Variants in PCDH15 observed in about 807,000 individuals in gnomAD.
PCDH15 encodes the protein protocadherin related 15, also known as protocadherin-15.
Under a neutral mutation model 178.5 loss-of-function variants are expected in PCDH15, and 129 were observed. The ratio of observed to expected loss-of-function variants is 0.72; its 90% CI spans 0.63 to 0.84. The LOEUF (loss-of-function observed/expected upper bound fraction) is 0.84, where lower values mean the gene tolerates loss of function less well. Ranked by LOEUF, PCDH15 falls within the 40% of genes least tolerant of loss-of-function variation. The pLI, the probability that PCDH15 is intolerant of heterozygous loss-of-function variation, is 0.00. For missense variants in PCDH15, 2,230 were observed against 2,099.9 expected (o/e 1.06, Z -1.21); for synonymous variants, 800 against 732.0 (o/e 1.09, Z -1.50).
chr10:54,000,345 C>T (rs1296649073), intron 20 of PCDH15, among the ~76,000 whole-genome samples: 1 of 152,000 alleles, frequency 6.6e-6, no homozygotes, highest in African/African-American at 2.4e-5. Flanking sequence ...AACAAGCCAC[C>T]AGAAACCAAT....
Position 53,938,995 on chromosome 10 carries a change from G to A in PCDH15, c.3233-40C>T, listed in dbSNP as rs367928811. ...ACAATTACCTGGTCATTGTCTTTACGCTATAAGGAAAGAAATTCTCTTTAA... is the reference window on the plus strand; with the variant it reads ...ACAATTACCTGGTCATTGTCTTTACACTATAAGGAAAGAAATTCTCTTTAA... On this transcript the variant is annotated intron_variant, in intron 24 of 37. Transcript: ENST00000644397. 450 of 1,585,612 alleles carry A rather than the reference G, an allele frequency of 2.8e-4. 1 individual carries two copies. The South Asian group carries it at 4.3e-3, about 15-fold the overall frequency.
chr10:54,642,891 C>T (rs2094024257), intron 2 of PCDH15, among the ~76,000 whole-genome samples: 1 of 152,042 alleles, frequency 6.6e-6, no homozygotes, highest in Non-Finnish European at 1.5e-5. Context: ...TGTAACTCTC[C>T]AATGTAAAGA....
intron 8 of PCDH15, among the ~76,000 whole-genome samples, chr10:54,249,422 A>T (rs1774372001): frequency 1.3e-5 from 2 of 152,168 alleles, no homozygotes; most frequent in Non-Finnish European, 2.9e-5. Context: ...TTAAGCATAA[A>T]GTATAATTTT....
chr10:55,175,230 C>A (rs896547365), intron 1 of PCDH15, among the ~76,000 whole-genome samples: 2 of 152,164 alleles, frequency 1.3e-5, no homozygotes, highest in Non-Finnish European at 2.9e-5. Context: ...TTACTCCAAA[C>A]TATCCATGAT....
At chr10:55,336,340 A>G (rs1844395293) in intron 2 of PCDH15, among the ~76,000 whole-genome samples, 1 of 151,852 alleles carries the variant, frequency 6.6e-6, no homozygotes, top group South Asian at 2.1e-4. Flanking sequence ...TCTACTAAAA[A>G]TACAAAAATT....
At chr10:55,202,114 T>C (rs1840267420) in intron 1 of PCDH15, among the ~76,000 whole-genome samples, 2 of 152,072 alleles carry the variant, frequency 1.3e-5, no homozygotes, top group Admixed American at 6.5e-5. Flanking sequence ...GAATTAAAGA[T>C]AGAAAAATTT....
chr10:54,378,984 T>A, intron 3 of PCDH15, 42 bp from the exon 4 acceptor site: 1 of 1,607,606 alleles, frequency 6.2e-7, no homozygotes, highest in Non-Finnish European at 8.5e-7. Flanking sequence ...ATTCTACTCA[T>A]ATGAATTCTT....
At chr10:55,492,640 C>A (rs1429080244) in intron 2 of PCDH15, among the ~76,000 whole-genome samples, 1 of 151,708 alleles carries the variant, frequency 6.6e-6, no homozygotes, top group Non-Finnish European at 1.5e-5. Context: ...CTAATATTTT[C>A]TATTTTCAAT....
At chr10:54,296,683 C>G (rs752322843) in intron 8 of PCDH15, among the ~76,000 whole-genome samples, 3 of 152,116 alleles carry the variant, frequency 2.0e-5, no homozygotes, top group Admixed American at 6.5e-5. Context: ...ACTATCTTAT[C>G]TGGAATTTTA....
intron 25 of PCDH15, among the ~76,000 whole-genome samples, chr10:53,927,024 A>C (rs2084619843): frequency 6.6e-6 from 1 of 152,182 alleles, no homozygotes; most frequent in African/African-American, 2.4e-5. Flanking sequence ...TTCAGGGGCC[A>C]TGTGACAAAA....
rs77787556 is a variant in PCDH15 at position 55,404,367 on chromosome 10, A to G, written c.-156+223258T>C. On this transcript the variant is annotated intron_variant, in intron 2 of 5. Transcript: ENST00000613346. ...TGCTCTGTTAATTCCATGATGGAAA[A>G]CGCTATTATCCTGTGACAGCGCTTA... Among the ~76,000 whole-genome samples the G allele has an allele frequency of 7.9e-3, 1,206 of 152,166 alleles. 15 individuals carry two copies. The highest frequency in any genetic ancestry group is 0.026 in the African/African-American group (1,084 of 41,532).
At position 55,598,513 on chromosome 10, in the gene PCDH15, AAT is replaced by A. The variant is rs61184409; in HGVS notation, c.-156+29110_-156+29111del. On this transcript the variant is annotated intron_variant, in intron 2 of 5. Transcript: ENST00000613346. The stretch of plus-strand genomic sequence containing the variant: ...TATAACACCAGCTTCAGCAAACCCT[AAT>A]ATATATATATATATATATATATATA... Among the ~76,000 whole-genome samples, 446 of 82,212 alleles carry A rather than the reference AAT, an allele frequency of 5.4e-3. 2 individuals carry two copies. Among genetic ancestry groups the A allele is most frequent in the Middle Eastern group, 7.0e-3 (1 of 142 alleles). The allele number at this position is 82,212 out of a possible 152,430, so 53.9% of individuals were successfully genotyped here. A position where few individuals can be genotyped will look rare whatever the true frequency, so the allele number is the denominator to read the frequency against.
At chr10:55,187,529 G>C (rs1434889845) in intron 1 of PCDH15, among the ~76,000 whole-genome samples, 2 of 151,830 alleles carry the variant, frequency 1.3e-5, no homozygotes, top group East Asian at 3.9e-4. Flanking sequence ...CTTTAGGGCT[G>C]ATAATATAGG....
intron 16 of PCDH15, 24 bp downstream of exon 16, chr10:54,089,960 A>G (rs376409907): frequency 3.2e-6 from 5 of 1,559,950 alleles, no homozygotes; most frequent in Admixed American, 1.7e-5. Context: ...ATTTTTTTAA[A>G]GTAGGAAATC....
At chr10:54,376,455 A>T (rs894421791) in intron 4 of PCDH15, among the ~76,000 whole-genome samples, 1 of 150,884 alleles carries the variant, frequency 6.6e-6, no homozygotes, top group Non-Finnish European at 1.5e-5. Flanking sequence ...TATGAATATC[A>T]TAGTATTAAT....
intron 28 of PCDH15, among the ~76,000 whole-genome samples, chr10:53,844,717 C>T (rs1032253145): frequency 2.0e-5 from 3 of 151,764 alleles, no homozygotes; most frequent in African/African-American, 7.3e-5. Context: ...TTTCTATGTA[C>T]AAAAATCCAC....
chr10:55,058,666 C>T (rs950892920), intron 2 of PCDH15, among the ~76,000 whole-genome samples: 3 of 152,044 alleles, frequency 2.0e-5, no homozygotes, highest in African/African-American at 4.8e-5. Flanking sequence ...TATGTATATA[C>T]ATTTCAAATT....
At chr10:54,402,642 C>G (rs1045003874) in intron 3 of PCDH15, among the ~76,000 whole-genome samples, 1 of 151,808 alleles carries the variant, frequency 6.6e-6, no homozygotes, top group Non-Finnish European at 1.5e-5. Flanking sequence ...CAAATTTTTT[C>G]ATTGTTATAT....
chr10:54,267,873 A>G (rs1034212107), intron 8 of PCDH15, among the ~76,000 whole-genome samples: 6 of 151,794 alleles, frequency 4.0e-5, no homozygotes, highest in Admixed American at 6.6e-5. Flanking sequence ...TACAAATTCA[A>G]TGCAGTTCCT....
Sources: allele counts gnomAD v4.1 joint callset (sites outside exome capture counted in the v4.1 genomes callset), GRCh38; gene constraint gnomAD v4.1.1; transcripts MANE v1.5; gene names NCBI Gene and HGNC (gene_info 2026-07-23, HGNC 2026-07-21).